Variants in PLXDC2 observed in about 807,000 individuals in gnomAD.
PLXDC2 encodes plexin domain containing 2, also known as plexin domain-containing protein 2.
PLXDC2 carries 40 observed loss-of-function variants against 68.9 expected under a neutral mutation model. The observed-to-expected ratio is 0.58, with a 90% CI of 0.45 to 0.76. The LOEUF is 0.76. Among genes scored for constraint, PLXDC2 ranks in the 30% least tolerant of loss-of-function variants. The probability of loss-of-function intolerance (pLI) is 0.00; values close to 1 mark genes in which losing one functional copy is unlikely to be tolerated. For missense variants in PLXDC2, 644 were observed against 661.9 expected, an observed-to-expected ratio of 0.97 and a Z score of 0.30; for synonymous variants, 243 against 234.2, an observed-to-expected ratio of 1.04 and a Z score of -0.34.
At chr10:19,875,133 TA>T (rs1374605738) in intron 1 of PLXDC2, among the ~76,000 whole-genome samples, 2 of 152,268 alleles carry the variant, frequency 1.3e-5, no homozygotes, top group South Asian at 4.1e-4. Flanking sequence ...TGCTCCATAG[TA>T]TGTGGTTAGC....
At chr10:20,048,307 C>T (rs1417368286) in intron 3 of PLXDC2, among the ~76,000 whole-genome samples, 1 of 152,022 alleles carries the variant, frequency 6.6e-6, no homozygotes, top group African/African-American at 2.4e-5. Flanking sequence ...CGGTGTAGAG[C>T]ACATGCTTTC....
intron 4 of PLXDC2, among the ~76,000 whole-genome samples, chr10:20,096,484 A>T (rs895694733): frequency 3.3e-5 from 5 of 152,082 alleles, no homozygotes; most frequent in South Asian, 2.1e-4. Context: ...GAAGAAAATT[A>T]TGAGTATTTA....
intron 10 of PLXDC2, among the ~76,000 whole-genome samples, chr10:20,213,216 G>A (rs186833473): frequency 6.6e-6 from 1 of 151,808 alleles, no homozygotes; most frequent in East Asian, 1.9e-4. Context: ...TATTCCATTT[G>A]GAATTGGTTT....
intron 4 of PLXDC2, among the ~76,000 whole-genome samples, chr10:20,079,689 A>T (rs1183249892): frequency 1.3e-5 from 2 of 152,212 alleles, no homozygotes; most frequent in Non-Finnish European, 2.9e-5. Flanking sequence ...AGGAACAGAA[A>T]ACCAAACACC....
intron 1 of PLXDC2, among the ~76,000 whole-genome samples, chr10:19,942,635 G>A (rs973392982): frequency 1.3e-5 from 2 of 152,148 alleles, no homozygotes; most frequent in African/African-American, 4.8e-5. Context: ...ATGGTGGCGT[G>A]TGCCTGTAAT....
At chr10:20,261,915 A>G (rs1162016309) in intron 13 of PLXDC2, among the ~76,000 whole-genome samples, 1 of 152,220 alleles carries the variant, frequency 6.6e-6, no homozygotes, top group Non-Finnish European at 1.5e-5. Context: ...AAATTTTATC[A>G]GGAAGACATG....
chr10:19,945,847 G>T (rs1403307403), intron 1 of PLXDC2, among the ~76,000 whole-genome samples: 1 of 152,126 alleles, frequency 6.6e-6, no homozygotes, highest in Non-Finnish European at 1.5e-5. Flanking sequence ...ACTCCAATCA[G>T]ATATGAAGGA....
chr10:19,977,052 A>G (rs950778653), intron 1 of PLXDC2, among the ~76,000 whole-genome samples: 1 of 152,168 alleles, frequency 6.6e-6, no homozygotes, highest in Admixed American at 6.5e-5. Flanking sequence ...CTCATGGCAT[A>G]ATATCTGTTC....
At chr10:19,932,866 G>A (rs1211688606) in intron 1 of PLXDC2, among the ~76,000 whole-genome samples, 1 of 152,184 alleles carries the variant, frequency 6.6e-6, no homozygotes. Flanking sequence ...TATACAGAAT[G>A]AAGTTCATGA....
rs564626819 is a variant in PLXDC2 at position 20,285,687 on chromosome 10, C to T, written c.*5868C>T. 8 of 152,266 alleles carry T rather than the reference C, an allele frequency of 5.3e-5. No homozygotes were observed. The East Asian group carries it at 7.7e-4, about 15-fold the overall frequency. 9.4% of individuals were successfully genotyped at this position (152,266 alleles called of 1,614,324 possible). A position where few individuals can be genotyped will look rare whatever the true frequency, so the allele number is the denominator to read the frequency against. Reference sequence around the variant, plus strand: ...CAACAGTTGAAGTTTGATTTCTCGACCCAATATTTCTATTGGGTTTTGAAT... The same window carrying T: ...CAACAGTTGAAGTTTGATTTCTCGATCCAATATTTCTATTGGGTTTTGAAT... On this transcript the variant is annotated 3_prime_UTR_variant, in exon 14 of 14. Transcript: ENST00000377252.
intron 9 of PLXDC2, among the ~76,000 whole-genome samples, chr10:20,197,151 G>A (rs1395042166): frequency 2.0e-5 from 3 of 152,168 alleles, no homozygotes; most frequent in Non-Finnish European, 4.4e-5. Context: ...CAAAAGCTAT[G>A]AAAATAACTA....
intron 1 of PLXDC2, among the ~76,000 whole-genome samples, chr10:19,900,796 C>A (rs1274240498): frequency 6.6e-6 from 1 of 151,698 alleles, no homozygotes; most frequent in Non-Finnish European, 1.5e-5. Context: ...CCGTTGTATC[C>A]TTTTTATGCG....
intron 3 of PLXDC2, among the ~76,000 whole-genome samples, chr10:20,065,261 C>G (rs1052969154): frequency 2.6e-5 from 4 of 152,134 alleles, no homozygotes; most frequent in Admixed American, 2.6e-4. Context: ...AAGTTGTTGC[C>G]TATGGCTGGC....
chr10:20,193,240 G>GT (rs1224393728), intron 9 of PLXDC2, among the ~76,000 whole-genome samples: 1 of 151,998 alleles, frequency 6.6e-6, no homozygotes, highest in Non-Finnish European at 1.5e-5. Context: ...AATATTCACC[G>GT]TATCTGGCCT....
At chr10:20,016,037 G>T (rs1167546482) in intron 2 of PLXDC2, among the ~76,000 whole-genome samples, 1 of 152,148 alleles carries the variant, frequency 6.6e-6, no homozygotes, top group Non-Finnish European at 1.5e-5. Flanking sequence ...AAGTGAAAGG[G>T]CCTCTCTATT....
chr10:20,096,210 G>C (rs1833347389), intron 4 of PLXDC2, among the ~76,000 whole-genome samples: 1 of 152,132 alleles, frequency 6.6e-6, no homozygotes, highest in Admixed American at 6.6e-5. Context: ...AGTATCTTGT[G>C]CATAACGAAT....
chr10:19,883,911 T>C (rs1332959599), intron 1 of PLXDC2, among the ~76,000 whole-genome samples: 2 of 136,798 alleles, frequency 1.5e-5, no homozygotes, highest in East Asian at 2.2e-4. Flanking sequence ...TTTTTTTTTT[T>C]AGCAGACAGG....
At chr10:20,054,261 C>G (rs927424266) in intron 3 of PLXDC2, among the ~76,000 whole-genome samples, 1 of 151,764 alleles carries the variant, frequency 6.6e-6, no homozygotes, top group Non-Finnish European at 1.5e-5. Context: ...AGGTTTGATC[C>G]GTATTGAGGA....
chr10:20,236,707 C>A (rs549511228), intron 12 of PLXDC2, among the ~76,000 whole-genome samples: 1 of 151,832 alleles, frequency 6.6e-6, no homozygotes, highest in South Asian at 2.1e-4. Flanking sequence ...TCTCTTTTTT[C>A]AATTTTTTTC....
Sources: allele counts gnomAD v4.1 joint callset (sites outside exome capture counted in the v4.1 genomes callset), GRCh38; gene constraint gnomAD v4.1.1; transcripts MANE v1.5; gene names NCBI Gene and HGNC (gene_info 2026-07-23, HGNC 2026-07-21).